The following SLCO1C1 variants were observed in gnomAD, a reference collection of about 807,000 sequenced individuals.
SLCO1C1 encodes the protein solute carrier organic anion transporter family member 1C1.
In SLCO1C1, 70 loss-of-function variants were observed where a neutral mutation model predicts 76.4. That is an observed-to-expected ratio of 0.92 (90% CI 0.76 to 1.12). The LOEUF is 1.12. Ranked by LOEUF, SLCO1C1 falls within the 50% of genes most tolerant of loss-of-function variation. SLCO1C1 has a pLI of 0.00. For synonymous variants in SLCO1C1, 306 were observed against 286.1 expected, an observed-to-expected ratio of 1.07 and a Z score of -0.70; for missense variants, 912 against 823.8, an observed-to-expected ratio of 1.11 and a Z score of -1.31.
At chr12:20,724,412 T>A in intron 9 of SLCO1C1, among the ~76,000 whole-genome samples, 2 of 80,480 alleles carry the variant, frequency 2.5e-5, no homozygotes, top group African/African-American at 1.2e-4. Flanking sequence ...TGTGTGTGTG[T>A]ATATATATAT....
chr12:20,717,644 CCTT>C (rs1565515112), intron 7 of SLCO1C1, among the ~76,000 whole-genome samples: 19 of 106,372 alleles, frequency 1.8e-4, no homozygotes, highest in South Asian at 3.1e-4. Context: ...ACCAAACAGC[CCTT>C]CTTTTTTTTT....
intron 9 of SLCO1C1, among the ~76,000 whole-genome samples, chr12:20,725,218 ATAGT>A (rs1267411178): frequency 2.2e-5 from 3 of 137,142 alleles, no homozygotes; most frequent in African/African-American, 5.3e-5. Flanking sequence ...TTAAATAATT[ATAGT>A]TAAAGAAAGA....
At chr12:20,735,189 C>T (rs964982215) in intron 10 of SLCO1C1, among the ~76,000 whole-genome samples, 3 of 152,178 alleles carry the variant, frequency 2.0e-5, no homozygotes, top group East Asian at 1.9e-4. Flanking sequence ...TTATTCCAAA[C>T]GCTGTCTTGA....
Position 20,701,331 on chromosome 12 carries a change from C to T in SLCO1C1, c.143C>T (p.Ala48Val). Reference sequence around the variant, plus strand: ...CATATTTTCCAGGTGTTCTTGTGTGCCTTGTCTTTTGTTTACTTTGCCAAA... The same window carrying T: ...CATATTTTCCAGGTGTTCTTGTGTGTCTTGTCTTTTGTTTACTTTGCCAAA... Reference protein sequence around the residue: ...CCGELKVFLCALSFVYFAKAL... With the variant: ...CCGELKVFLCVLSFVYFAKAL... Residue 48 changes from alanine to valine, a missense_variant, in exon 3 of 15, where the codon GCC (alanine) becomes GTC (valine). Transcript: ENST00000266509. 1.3e-6 allele frequency: 2 copies of T among 1,528,714 alleles called. No homozygotes were observed. The highest frequency in any genetic ancestry group is 1.2e-5 in the South Asian group (1 of 80,294). The allele number at this position is 1,528,714 out of a possible 1,614,324, so 94.7% of individuals were successfully genotyped here.
intron 8 of SLCO1C1, among the ~76,000 whole-genome samples, chr12:20,722,345 G>T (rs1947721863): frequency 6.6e-6 from 1 of 152,198 alleles, no homozygotes; most frequent in African/African-American, 2.4e-5. Context: ...TGTGTATACA[G>T]GAAATAAAAG....
chr12:20,712,010 T>C (rs1947134552), intron 5 of SLCO1C1, among the ~76,000 whole-genome samples: 1 of 152,142 alleles, frequency 6.6e-6, no homozygotes, highest in Non-Finnish European at 1.5e-5. Context: ...TGGTGGGAGC[T>C]CTTGGTGTTA....
Position 20,738,606 on chromosome 12 carries a change from C to A in SLCO1C1, c.1548+1334C>A, listed in dbSNP as rs950965838. The stretch of plus-strand genomic sequence containing the variant: ...ATCTGAAACATGTTTTCATGCTTCT[C>A]TTTTTTTCTTTTCTTTGCTTTCTTC... On this transcript the variant is annotated intron_variant, in intron 11 of 14. Coordinates refer to ENST00000266509, the MANE Select transcript of SLCO1C1 (RefSeq NM_017435.5). Among the ~76,000 whole-genome samples, 7 of 152,056 alleles carry A rather than the reference C, an allele frequency of 4.6e-5. No homozygotes were observed. The South Asian group carries it at 1.2e-3, about 27-fold the overall frequency.
rs902722724 is a variant in SLCO1C1, at chr12:20,698,696, T to A, written c.-25-856T>A. ...TGTGGATATAGAAGTCCTCTATTAA[T>A]GTACAATTGGGTCATCTGATAATAT... On this transcript the variant is annotated intron_variant, in intron 1 of 14. Transcript: ENST00000266509. Among the ~76,000 whole-genome samples, 3 of 152,086 alleles carry A rather than the reference T, an allele frequency of 2.0e-5. No individual in the cohort carries two copies. The East Asian group carries it at 5.8e-4, about 29-fold the overall frequency.
At chr12:20,701,294 A>C (rs777230555) in intron 2 of SLCO1C1, 24 bp from the exon 3 acceptor site, 2 of 1,476,490 alleles carry the variant, frequency 1.4e-6, no homozygotes, top group African/African-American at 2.8e-5. Flanking sequence ...AGTCAGACTA[A>C]GTGTGACCTG....
chr12:20,723,955 A>G (rs909433393), intron 9 of SLCO1C1, among the ~76,000 whole-genome samples: 3 of 152,110 alleles, frequency 2.0e-5, no homozygotes, highest in Admixed American at 6.5e-5. Flanking sequence ...AAATCAGTCT[A>G]TATTTCTACC....
At chr12:20,703,473 A>G (rs74065172) in intron 3 of SLCO1C1, among the ~76,000 whole-genome samples, 6,464 of 151,924 alleles carry the variant, frequency 0.043, 234 homozygotes, top group African/African-American at 0.091. Context: ...AGCATTTACA[A>G]TGGACATCTT....
chr12:20,738,876 G>A (rs768288367), intron 11 of SLCO1C1, among the ~76,000 whole-genome samples: 1 of 152,006 alleles, frequency 6.6e-6, no homozygotes, highest in African/African-American at 2.4e-5. Context: ...TCTAGTGAGC[G>A]ACCAGAATTA....
intron 13 of SLCO1C1, among the ~76,000 whole-genome samples, chr12:20,749,324 T>A (rs555629855): frequency 1.5e-4 from 23 of 152,280 alleles, no homozygotes; most frequent in African/African-American, 4.8e-4. Flanking sequence ...AAACGAGTGA[T>A]GTAGGCAGAG....
intron 7 of SLCO1C1, among the ~76,000 whole-genome samples, chr12:20,718,750 A>T (rs1214628836): frequency 2.0e-5 from 3 of 152,142 alleles, no homozygotes; most frequent in Admixed American, 6.5e-5. Flanking sequence ...AATTCTCCCC[A>T]TGGGTTGCCT....
At chr12:20,720,044 C>T (rs1947580644) in intron 7 of SLCO1C1, among the ~76,000 whole-genome samples, 2 of 152,134 alleles carry the variant, frequency 1.3e-5, no homozygotes, top group African/African-American at 4.8e-5. Context: ...TAAGTTGAAG[C>T]CAATGCTCAT....
At chr12:20,742,585 G>GA (rs1348366467) in intron 12 of SLCO1C1, among the ~76,000 whole-genome samples, 1 of 53,754 alleles carries the variant, frequency 1.9e-5, no homozygotes, top group African/African-American at 3.3e-5. Flanking sequence ...CCAGGCTGGA[G>GA]GGCAGTGGCA....
intron 11 of SLCO1C1, among the ~76,000 whole-genome samples, chr12:20,738,568 A>C (rs552698157): frequency 4.3e-4 from 65 of 152,320 alleles, no homozygotes; most frequent in Admixed American, 6.5e-4. Context: ...ACAATGAATA[A>C]GACTACCTAC....
chr12:20,731,225 A>C (rs1473536793), intron 9 of SLCO1C1, among the ~76,000 whole-genome samples: 1 of 152,194 alleles, frequency 6.6e-6, no homozygotes, highest in Non-Finnish European at 1.5e-5. Flanking sequence ...CCAGCCTTCC[A>C]AGAGGGTCTG....
chr12:20,733,691 T>A (rs958364507), intron 10 of SLCO1C1, among the ~76,000 whole-genome samples: 1 of 152,200 alleles, frequency 6.6e-6, no homozygotes, highest in Non-Finnish European at 1.5e-5. Flanking sequence ...ACAACGCCTG[T>A]CCTTCAACCC....
Sources: gnomAD v4.1 joint callset for allele counts (sites outside exome capture counted in the v4.1 genomes callset) on GRCh38, gnomAD v4.1.1 for gene constraint, MANE v1.5 for transcripts, NCBI Gene and HGNC (gene_info 2026-07-23, HGNC 2026-07-21) for gene names.